Variants in RSRP1 observed in about 807,000 individuals in gnomAD.
The protein encoded by RSRP1 is arginine and serine rich protein 1, also known as arginine/serine-rich protein 1.
RSRP1 carries 37 observed loss-of-function variants against 33.0 expected under a neutral mutation model. That is an observed-to-expected ratio of 1.12 (90% CI 0.86 to 1.48). RSRP1 has a LOEUF of 1.48. Ranked by LOEUF, RSRP1 falls within the 40% of genes most tolerant of loss-of-function variation. The pLI, the probability that RSRP1 is intolerant of heterozygous loss-of-function variation, is 0.00. For missense variants in RSRP1, 402 were observed against 385.3 expected (o/e 1.04, Z -0.36); for synonymous variants, 167 against 158.7 (o/e 1.05, Z -0.40).
Position 25,328,763 on chromosome 1 carries a change from G to A in RSRP1, c.-67+9215C>T, listed in dbSNP as rs1452089546. ...GATGAAATAAAACCTATATATCCAAGATCTCTTCCAATTCAGATTTTATGA... is the reference window on the plus strand; with the variant it reads ...GATGAAATAAAACCTATATATCCAAAATCTCTTCCAATTCAGATTTTATGA... On this transcript the variant is annotated intron_variant, in intron 1 of 1. Coordinates refer to the RSRP1 transcript ENST00000561867. 4 of 442,482 alleles carry A rather than the reference G, an allele frequency of 9.0e-6. No homozygotes were observed. In the Admixed American group the frequency reaches 1.7e-4, roughly 18 times the overall value. 27.4% of individuals were successfully genotyped at this position (442,482 alleles called of 1,614,324 possible). A position where few individuals can be genotyped will look rare whatever the true frequency, so the allele number is the denominator to read the frequency against.
intron 1 of RSRP1, chr1:25,266,696 T>A (rs3953742): frequency 7.0e-6 from 1 of 142,466 alleles, no homozygotes; most frequent in African/African-American, 2.8e-5. Context: ...TATCTCTTAA[T>A]GACAATTGAC....
Position 25,302,986 on chromosome 1 carries a change from A to T in RSRP1, c.-67+34992T>A, listed in dbSNP as rs1320819757. Among the ~76,000 whole-genome samples, 13 of 130,744 alleles carry T rather than the reference A, an allele frequency of 9.9e-5. 3 individuals carry two copies. Among genetic ancestry groups the T allele is most frequent in the Non-Finnish European group, 1.4e-4 (8 of 55,386 alleles). The allele number at this position is 130,744 out of a possible 152,430, so 85.8% of individuals were successfully genotyped here. ...TAGCAAGACCCTGTCTCTAAAAAAT[A>T]AAACAAAAACCCATTCTTCCCGCTG... is the stretch of plus-strand genomic sequence containing the variant. On this transcript the variant is annotated intron_variant, in intron 1 of 1. Transcript: ENST00000561867.
intron 1 of RSRP1, among the ~76,000 whole-genome samples, chr1:25,288,957 C>CT (rs1488279492): frequency 7.4e-6 from 1 of 134,318 alleles, no homozygotes; most frequent in Admixed American, 7.2e-5. Context: ...TGCCCTTGCC[C>CT]TTTTCTGACC....
At chr1:25,314,732 C>T (rs1374897549) in intron 1 of RSRP1, among the ~76,000 whole-genome samples, 1 of 131,678 alleles carries the variant, frequency 7.6e-6, no homozygotes, top group East Asian at 2.0e-4. Context: ...TCTTGGACTC[C>T]TGGCCTCAAC....
Position 25,246,606 on chromosome 1 carries a change from G to A in RSRP1, c.358C>T (p.Arg120Cys). The part of the protein sequence containing the change: ...RYRSRSRSRS[R>C]SRGRSYCGRA... ...CCGCAGTACGACCTTCCCCGAGAGC[G>A]CGACCTGCTACGGGACCGGGACCGG... The change falls in exon 2 of 5, where the codon CGC (arginine) becomes TGC (cysteine). Residue 120 changes from arginine (R) to cysteine (C), a missense_variant. Transcript: ENST00000243189. The A allele has an allele frequency of 6.2e-7, 1 of 1,614,122 alleles. No homozygotes were observed. The highest frequency in any genetic ancestry group is 8.5e-7 in the Non-Finnish European group (1 of 1,180,034).
chr1:25,300,474 T>C (rs1172998603), intron 1 of RSRP1, among the ~76,000 whole-genome samples: 1 of 115,810 alleles, frequency 8.6e-6, no homozygotes, highest in Non-Finnish European at 2.0e-5. Context: ...GCCACACCAC[T>C]GCACTCCAGC....
At chr1:25,331,370 A>G (rs1645003088) in intron 1 of RSRP1, among the ~76,000 whole-genome samples, 2 of 131,408 alleles carry the variant, frequency 1.5e-5, no homozygotes, top group African/African-American at 2.6e-5. Flanking sequence ...ATTTCCAAAT[A>G]TAGTCACTTT....
At chr1:25,312,806 G>C (rs1357084209) in intron 1 of RSRP1, among the ~76,000 whole-genome samples, 1 of 118,920 alleles carries the variant, frequency 8.4e-6, no homozygotes, top group South Asian at 2.6e-4. Flanking sequence ...TGTAGTCCTA[G>C]CTACTCAGGA....
rs973873562 is a variant in RSRP1, at chr1:25,297,601, G to C, written c.-67+40377C>G. On this transcript the variant is annotated intron_variant, in intron 1 of 1. Coordinates refer to the RSRP1 transcript ENST00000561867. ...TTCAGTAGTTGGCATTCTTCTGTAA[G>C]GAAAAGCTTTCGCTTCTCTGTTCAT... Among the ~76,000 whole-genome samples, 7 of 131,222 alleles carry C rather than the reference G, an allele frequency of 5.3e-5. 1 individual carries two copies. The highest frequency in any genetic ancestry group is 1.1e-4 in the Non-Finnish European group (6 of 55,714). The allele number at this position is 131,222 out of a possible 152,430, so 86.1% of individuals were successfully genotyped here.
Position 25,303,171 on chromosome 1 carries a change from T to G in RSRP1, c.-67+34807A>C. 4 of 893,694 alleles carry G rather than the reference T, an allele frequency of 4.5e-6. 1 individual carries two copies. The highest frequency in any genetic ancestry group is 7.1e-6 in the Non-Finnish European group (4 of 564,142). The allele number at this position is 893,694 out of a possible 1,614,324, so 55.4% of individuals were successfully genotyped here. ...ATCATGTCCACTGATGAAGGACACG[T>G]AGCCCCAACACAGGGGAGAAGTGGT... On this transcript the variant is annotated intron_variant, in intron 1 of 1. Coordinates refer to the RSRP1 transcript ENST00000561867.
rs751414868 is a variant in RSRP1 at position 25,330,491 on chromosome 1, C to A, written c.-67+7487G>T. On this transcript the variant is annotated intron_variant, in intron 1 of 1. Coordinates refer to the RSRP1 transcript ENST00000561867. ...ATGTAGTTGCATACAGAAAATGTGA[C>A]TGTGAATTAATTTTTCTAGGACTTT... is the stretch of plus-strand genomic sequence containing the variant. The A allele has an allele frequency of 1.5e-5, 2 of 133,060 alleles. 1 individual carries two copies. The highest frequency in any genetic ancestry group is 1.5e-4 in the Admixed American group (2 of 13,728). The allele number at this position is 133,060 out of a possible 1,614,324, so 8.2% of individuals were successfully genotyped here.
chr1:25,295,832 T>G lies in RSRP1; in HGVS notation c.-67+42146A>C, dbSNP rs1265243619. 3.9e-5 allele frequency among the ~76,000 whole-genome samples: 4 copies of G among 101,962 alleles called. 2 individuals are homozygous for G. Among genetic ancestry groups the G allele is most frequent in the Non-Finnish European group, 9.2e-5 (4 of 43,572 alleles). 66.9% of individuals were successfully genotyped at this position (101,962 alleles called of 152,430 possible). ...TGGGGTGGAAAAAAGAACAATGGTC[T>G]GGGAGGGAATATGGGAAATTTTTTT... On this transcript the variant is annotated intron_variant, in intron 1 of 1. Coordinates refer to the RSRP1 transcript ENST00000561867.
intron 1 of RSRP1, among the ~76,000 whole-genome samples, chr1:25,278,511 G>A (rs1174849027): frequency 7.6e-6 from 1 of 131,610 alleles, no homozygotes; most frequent in African/African-American, 2.6e-5. Flanking sequence ...TTTCACCCAG[G>A]GTCATTCATG....
intron 3 of RSRP1, 117 bp downstream of exon 3, chr1:25,245,033 A>T: frequency 1.3e-6 from 2 of 1,586,416 alleles, no homozygotes; most frequent in Non-Finnish European, 1.7e-6. Context: ...CTTTGAATTT[A>T]GCACATTATA....
chr1:25,264,413 A>T (rs1640257899), intron 1 of RSRP1, among the ~76,000 whole-genome samples: 1 of 151,070 alleles, frequency 6.6e-6, no homozygotes, highest in Non-Finnish European at 1.5e-5. Context: ...TCAACACCAC[A>T]TGGAAGCTGT....
Position 25,308,280 on chromosome 1 carries a change from T to C in RSRP1, c.-67+29698A>G, listed in dbSNP as rs1313018170. Reference sequence around the variant, plus strand: ...GTGATTCTGTGGTTCTCTGGAAGCATTGGTTCTCCACAGCACCTGCATCAC... The same window carrying C: ...GTGATTCTGTGGTTCTCTGGAAGCACTGGTTCTCCACAGCACCTGCATCAC... On this transcript the variant is annotated intron_variant, in intron 1 of 1. Transcript: ENST00000561867. Among the ~76,000 whole-genome samples, 25 of 114,064 alleles carry C rather than the reference T, an allele frequency of 2.2e-4. 3 individuals are homozygous for C. The highest frequency in any genetic ancestry group is 6.3e-4 in the African/African-American group (21 of 33,144). 74.8% of individuals were successfully genotyped at this position (114,064 alleles called of 152,430 possible).
intron 4 of RSRP1, 66 bp from the exon 5 acceptor site, chr1:25,242,771 T>C (rs1638957248): frequency 9.0e-7 from 1 of 1,105,852 alleles, no homozygotes; most frequent in Non-Finnish European, 1.3e-6. Flanking sequence ...CAAAAAAAAG[T>C]ACATTAAATA....
At position 25,330,953 on chromosome 1, in the gene RSRP1, CTTTTTTTTTTTTTT is replaced by C. The variant is rs71014353; in HGVS notation, c.-67+7011_-67+7024del. ...CTTTTACACTTCTGGTGTCATCTTC[CTTTTTTTTTTTTTT>C]TTTTTTTTTTTTTTGAGACAGAGTC... On this transcript the variant is annotated intron_variant, in intron 1 of 1. Coordinates refer to the RSRP1 transcript ENST00000561867. Among the ~76,000 whole-genome samples, 40 of 34,724 alleles carry C rather than the reference CTTTTTTTTTTTTTT, an allele frequency of 1.2e-3. 1 individual carries two copies. Among genetic ancestry groups the C allele is most frequent in the African/African-American group, 3.7e-3 (38 of 10,246 alleles). 22.8% of individuals were successfully genotyped at this position (34,724 alleles called of 152,430 possible). A position where few individuals can be genotyped will look rare whatever the true frequency, so the allele number is the denominator to read the frequency against.
At position 25,288,334 on chromosome 1, in the gene RSRP1, A is replaced by G. The variant is rs397834931; in HGVS notation, c.-66-41305T>C. On this transcript the variant is annotated intron_variant, in intron 1 of 1. Coordinates refer to the RSRP1 transcript ENST00000561867. ...TGAGACCACAGGCACACACCACCAC[A>G]CCTAGCTTTTTTTTTTTTTGCTTTT... Among the ~76,000 whole-genome samples, 17 of 115,144 alleles carry G rather than the reference A, an allele frequency of 1.5e-4. 5 individuals carry two copies. The highest frequency in any genetic ancestry group is 8.5e-4 in the East Asian group (4 of 4,720). The allele number at this position is 115,144 out of a possible 152,430, so 75.5% of individuals were successfully genotyped here.
Sources: gnomAD v4.1 joint callset for allele counts (sites outside exome capture counted in the v4.1 genomes callset) on GRCh38, gnomAD v4.1.1 for gene constraint, MANE v1.5 for transcripts, NCBI Gene and HGNC (gene_info 2026-07-23, HGNC 2026-07-21) for gene names.